RYR3: variants seen among roughly 807,000 people sequenced by gnomAD.
The protein encoded by RYR3 is brain ryanodine receptor-calcium release channel.
A neutral mutation model predicts 584.3 loss-of-function variants in RYR3; 207 were observed. The observed-to-expected ratio is 0.35, with a 90% CI of 0.32 to 0.40. The LOEUF is 0.40. RYR3 is among the 10% of genes least tolerant of loss of function. The pLI is 1.00. For synonymous variants in RYR3, 2,416 were observed against 2,248.5 expected (o/e 1.07, Z -2.11); for missense variants, 5,616 against 6,089.2 (o/e 0.92, Z 2.59).
Position 33,810,350 on chromosome 15 carries a change from C to T in RYR3, c.10027-129C>T, listed in dbSNP as rs979033972. ...TTGTTCAACACACTCTTTTCACTGT[C>T]CTTTGAAGTGTAGTAAGGCCCACCC... On this transcript the variant is annotated intron_variant, in intron 70 of 103. Coordinates refer to ENST00000634891, the MANE Select transcript of RYR3 (RefSeq NM_001036.6). The T allele has an allele frequency of 2.1e-5, 17 of 795,340 alleles. No homozygotes were observed. The African/African-American group carries it at 2.8e-4, about 13-fold the overall frequency. 49.3% of individuals were successfully genotyped at this position (795,340 alleles called of 1,614,324 possible).
intron 3 of RYR3, among the ~76,000 whole-genome samples, chr15:33,520,239 A>G (rs2053878773): frequency 6.6e-6 from 1 of 152,236 alleles, no homozygotes; most frequent in Non-Finnish European, 1.5e-5. Flanking sequence ...TTATCTATAA[A>G]TCCTCAGGAT....
At chr15:33,385,414 G>A (rs935841539) in intron 1 of RYR3, among the ~76,000 whole-genome samples, 2 of 152,068 alleles carry the variant, frequency 1.3e-5, no homozygotes, top group Admixed American at 6.5e-5. Flanking sequence ...ATTATTTTTA[G>A]CTGAGTAATG....
chr15:33,809,704 C>T (rs753814761), intron 70 of RYR3, among the ~76,000 whole-genome samples: 2 of 150,946 alleles, frequency 1.3e-5, no homozygotes, highest in East Asian at 1.9e-4. Flanking sequence ...GGCGTGATCT[C>T]GGCTCGCTGC....
intron 100 of RYR3, among the ~76,000 whole-genome samples, chr15:33,859,939 A>T (rs553749264): frequency 6.6e-6 from 1 of 152,298 alleles, no homozygotes; most frequent in South Asian, 2.1e-4. Flanking sequence ...AAGAAGCTTC[A>T]TCCATACAGA....
intron 1 of RYR3, among the ~76,000 whole-genome samples, chr15:33,455,417 C>G (rs2047469140): frequency 6.6e-6 from 1 of 152,060 alleles, no homozygotes; most frequent in South Asian, 2.1e-4. Flanking sequence ...AGAGCAGAGG[C>G]TGAAGACAGA....
intron 65 of RYR3, among the ~76,000 whole-genome samples, chr15:33,784,466 A>G (rs947023903): frequency 6.6e-6 from 1 of 152,264 alleles, no homozygotes; most frequent in Non-Finnish European, 1.5e-5. Context: ...ATCTTTGGAA[A>G]TGTATGAGAA....
At chr15:33,454,259 G>A (rs977764003) in intron 1 of RYR3, among the ~76,000 whole-genome samples, 2 of 152,310 alleles carry the variant, frequency 1.3e-5, no homozygotes, top group African/African-American at 4.8e-5. Context: ...AAAGTAACTG[G>A]CCAGAGGAGG....
intron 1 of RYR3, among the ~76,000 whole-genome samples, chr15:33,397,005 A>G (rs770729029): frequency 5.3e-5 from 8 of 152,218 alleles, no homozygotes; most frequent in Non-Finnish European, 1.0e-4. Flanking sequence ...GGCAAAAAAT[A>G]ACATCTGCAG....
At chr15:33,860,573 G>T (rs766399186) in intron 100 of RYR3, 22 bp from the exon 101 acceptor site, 1 of 1,511,128 alleles carries the variant, frequency 6.6e-7, no homozygotes, top group Non-Finnish European at 9.0e-7. Flanking sequence ...AGATTGCTTT[G>T]TCTTTGTATT....
chr15:33,565,997 C>G (rs569437103), intron 11 of RYR3, among the ~76,000 whole-genome samples: 18 of 152,184 alleles, frequency 1.2e-4, no homozygotes, highest in Non-Finnish European at 2.6e-4. Flanking sequence ...AATCTTCCAA[C>G]CCTCTAAGAT....
Position 33,738,499 on chromosome 15 carries a change from C to T in RYR3, c.7565C>T (p.Ser2522Leu). The change falls in exon 50 of 104, where the codon TCA becomes TTA. Residue 2522 changes from serine (S) to leucine (L), a missense_variant. Ser to Leu is a moderately radical substitution (Grantham distance 145). Transcript: ENST00000634891. ...TGTTGGAAGTATTACTGCCTGCCTT[C>T]AGGATGGGGGAGCTACGGGCTAGCT... Reference protein sequence around the residue: ...EQCWKYYCLPSGWGSYGLAVE... With the variant: ...EQCWKYYCLPLGWGSYGLAVE... 1 of 1,613,960 alleles carries T rather than the reference C, an allele frequency of 6.2e-7. No individual in the cohort carries two copies. Among genetic ancestry groups the T allele is most frequent in the Non-Finnish European group, 8.5e-7 (1 of 1,179,868 alleles).
Position 33,792,756 on chromosome 15 carries a change from A to G in RYR3, c.9830+4298A>G, listed in dbSNP as rs571546604. ...TCATAAAGCTATTGATAGGGTGAAC[A>G]CAGACATTTTCATTGTATCTTAGGG... On this transcript the variant is annotated intron_variant, in intron 67 of 103. Transcript: ENST00000634891. Among the ~76,000 whole-genome samples the G allele has an allele frequency of 2.2e-4, 33 of 152,346 alleles. 1 individual carries two copies. The highest frequency in any genetic ancestry group is 7.9e-4 in the African/African-American group (33 of 41,588).
Position 33,539,370 on chromosome 15 carries a change from A to C in RYR3, c.454A>C (p.Ile152Leu), listed in dbSNP as rs780128168. The change falls in exon 6 of 104, where the codon ATA becomes CTA. Residue 152 changes from isoleucine to leucine, a missense_variant. By Grantham distance (5) the Ile-to-Leu change is conservative. Coordinates refer to ENST00000634891, the MANE Select transcript of RYR3 (RefSeq NM_001036.6). ...HATGEACWWT[I>L]HPASKQRSEG... ...TGTAGGAGAAGCCTGTTGGTGGACT[A>C]TACATCCTGCTTCCAAACAGAGGTC... 10 of 1,595,986 alleles carry C rather than the reference A, an allele frequency of 6.3e-6. No individual in the cohort carries two copies. The highest frequency in any genetic ancestry group is 7.7e-6 in the Non-Finnish European group (9 of 1,170,550).
At position 33,696,219 on chromosome 15, in the gene RYR3, A is replaced by G; in HGVS notation, c.5862A>G (p.Thr1954=). 1 of 1,612,196 alleles carries G rather than the reference A, an allele frequency of 6.2e-7. No homozygotes were observed. The highest frequency in any genetic ancestry group is 8.5e-7 in the Non-Finnish European group (1 of 1,178,738). The change falls in exon 39 of 104, where the codon ACA becomes ACG. Residue 1954 remains threonine, a splice_region_variant and synonymous_variant. Coordinates refer to ENST00000634891, the MANE Select transcript of RYR3 (RefSeq NM_001036.6). Reference sequence around the variant, plus strand: ...TGCTCCCTCCTGTTGTCCTTCCAGCAACATTGAAGGAACTCATCTCACAGA... The same window carrying G: ...TGCTCCCTCCTGTTGTCCTTCCAGCGACATTGAAGGAACTCATCTCACAGA... ...QPTEEEERCP[T]TLKELISQTM...
chr15:33,418,531 G>A (rs888638415), intron 1 of RYR3, among the ~76,000 whole-genome samples: 16 of 152,036 alleles, frequency 1.1e-4, no homozygotes, highest in African/African-American at 3.9e-4. Context: ...AGTTGAGGGT[G>A]GCCAGACAGG....
At chr15:33,582,455 C>T (rs2058642855) in intron 14 of RYR3, among the ~76,000 whole-genome samples, 1 of 152,192 alleles carries the variant, frequency 6.6e-6, no homozygotes, top group Non-Finnish European at 1.5e-5. Context: ...GATCAATTGC[C>T]ACTGTATGAC....
chr15:33,336,449 A>G (rs1175386511), intron 1 of RYR3, among the ~76,000 whole-genome samples: 14 of 16,942 alleles, frequency 8.3e-4, no homozygotes, highest in South Asian at 3.4e-3. Context: ...AAAGAGAGAG[A>G]GAGAGAGAGA....
chr15:33,362,440 T>G (rs200386849), intron 1 of RYR3, among the ~76,000 whole-genome samples: 15 of 152,212 alleles, frequency 9.9e-5, no homozygotes, highest in East Asian at 7.7e-4. Flanking sequence ...AGCAGCAGCA[T>G]CAGCATCATC....
intron 36 of RYR3, among the ~76,000 whole-genome samples, chr15:33,667,899 T>A (rs1484234396): frequency 6.6e-6 from 1 of 151,808 alleles, no homozygotes; most frequent in Non-Finnish European, 1.5e-5. Context: ...CCATCTCTAC[T>A]AAAAATACAA....
Sources: allele counts gnomAD v4.1 joint callset (sites outside exome capture counted in the v4.1 genomes callset), GRCh38; gene constraint gnomAD v4.1.1; transcripts MANE v1.5; gene names NCBI Gene and HGNC (gene_info 2026-07-23, HGNC 2026-07-21).